The following TOX variants were observed in gnomAD, a reference collection of about 807,000 sequenced individuals.
The protein encoded by TOX is thymocyte selection-associated high mobility group box protein TOX.
TOX carries 11 observed loss-of-function variants against 53.7 expected under a neutral mutation model. That is an observed-to-expected ratio of 0.20 (90% confidence interval 0.13 to 0.34). The LOEUF (loss-of-function observed/expected upper bound fraction) is 0.34, where lower values mean the gene tolerates loss of function less well. Among genes scored for constraint, TOX ranks in the 10% least tolerant of loss-of-function variants. The probability of loss-of-function intolerance (pLI) is 1.00; values close to 1 mark genes in which losing one functional copy is unlikely to be tolerated. For missense variants in TOX, 570 were observed against 664.6 expected, an observed-to-expected ratio of 0.86 and a Z score of 1.56; for synonymous variants, 225 against 245.3, an observed-to-expected ratio of 0.92 and a Z score of 0.77.
intron 6 of TOX, among the ~76,000 whole-genome samples, chr8:58,823,998 TG>T (rs1371736124): frequency 1.3e-5 from 2 of 152,252 alleles, no homozygotes; most frequent in Non-Finnish European, 1.5e-5. Flanking sequence ...CGAGGTGCTC[TG>T]GCTAACACAG....
chr8:59,053,520 T>C (rs1803831652), intron 1 of TOX, among the ~76,000 whole-genome samples: 1 of 152,224 alleles, frequency 6.6e-6, no homozygotes, highest in Non-Finnish European at 1.5e-5. Flanking sequence ...AATAATTCAG[T>C]TGTCTTTTAT....
intron 1 of TOX, among the ~76,000 whole-genome samples, chr8:59,069,655 A>G (rs73256320): frequency 0.013 from 1,927 of 152,292 alleles, 55 homozygotes; most frequent in African/African-American, 0.044. Flanking sequence ...CACTTCCATC[A>G]GAGATAGCGC....
Position 58,807,429 on chromosome 8 carries a change from G to T in TOX, c.*318C>A, listed in dbSNP as rs1809998253. 3.7e-6 allele frequency: 1 copy of T among 270,550 alleles called. No individual in the cohort carries two copies. The highest frequency in any genetic ancestry group is 7.2e-5 in the East Asian group (1 of 13,880). The allele number at this position is 270,550 out of a possible 1,614,324, so 16.8% of individuals were successfully genotyped here. A position where few individuals can be genotyped will look rare whatever the true frequency, so the allele number is the denominator to read the frequency against. Reference sequence around the variant, plus strand: ...TTATGAAAACCAATGGAAAATCCAGGACTTTTATCCGAGACATCTACAGTT... The same window carrying T: ...TTATGAAAACCAATGGAAAATCCAGTACTTTTATCCGAGACATCTACAGTT... On this transcript the variant is annotated 3_prime_UTR_variant, in exon 9 of 9. Coordinates refer to ENST00000361421, the MANE Select transcript of TOX (RefSeq NM_014729.3).
intron 1 of TOX, among the ~76,000 whole-genome samples, chr8:59,104,383 C>G (rs542625264): frequency 4.0e-4 from 61 of 152,270 alleles, no homozygotes; most frequent in Non-Finnish European, 7.2e-4. Flanking sequence ...GACTCCCCCT[C>G]GGAGAGCCAA....
chr8:58,878,800 C>T (rs988101743), intron 3 of TOX, among the ~76,000 whole-genome samples: 3 of 152,092 alleles, frequency 2.0e-5, no homozygotes, highest in Non-Finnish European at 4.4e-5. Context: ...GTGGTTGACA[C>T]CTGTAATCCC....
chr8:58,882,843 T>C (rs1189071589), intron 3 of TOX, among the ~76,000 whole-genome samples: 9 of 152,156 alleles, frequency 5.9e-5, no homozygotes, highest in Non-Finnish European at 1.0e-4. Flanking sequence ...CACTATCAAC[T>C]CTAAGATTCT....
At chr8:58,890,155 A>G (rs1368083796) in intron 3 of TOX, among the ~76,000 whole-genome samples, 1 of 152,194 alleles carries the variant, frequency 6.6e-6, no homozygotes, top group Non-Finnish European at 1.5e-5. Context: ...ACAATACATC[A>G]ATTGTTCAGT....
At chr8:59,081,747 A>G (rs1804412028) in intron 1 of TOX, among the ~76,000 whole-genome samples, 2 of 152,174 alleles carry the variant, frequency 1.3e-5, no homozygotes, top group African/African-American at 4.8e-5. Context: ...AAGTTCAAAG[A>G]GATGGTGAGG....
At chr8:58,897,239 C>T (rs775664532) in intron 3 of TOX, among the ~76,000 whole-genome samples, 1 of 152,158 alleles carries the variant, frequency 6.6e-6, no homozygotes, top group Non-Finnish European at 1.5e-5. Flanking sequence ...ACCACTCACA[C>T]CCTACTCTAT....
intron 1 of TOX, among the ~76,000 whole-genome samples, chr8:59,084,429 T>C (rs1016465374): frequency 6.6e-6 from 1 of 152,148 alleles, no homozygotes; most frequent in Non-Finnish European, 1.5e-5. Flanking sequence ...GATAACACTC[T>C]CTGGTAAAAT....
rs764348706 is a variant in TOX at position 59,118,962 on chromosome 8, G to A, written c.26C>T (p.Pro9Leu). The change falls in exon 1 of 9, where the codon CCA becomes CTA. Residue 9 changes from proline to leucine, a missense_variant. Pro to Leu is a moderately conservative substitution (Grantham distance 98). This residue lies in a region of TOX where 282 missense variants were observed against 315.0 expected (regional missense o/e 0.90). Coordinates refer to ENST00000361421, the MANE Select transcript of TOX (RefSeq NM_014729.3). This position sits in a 1 kb window ranked among gnomAD's most constrained non-coding sequence, Gnocchi z 4.1. ...GTCGGGCGCAGCGGCGGGCTGGGCTGGAGGTGGATAAAATCTTACGTCCAT... is the reference window on the plus strand; with the variant it reads ...GTCGGGCGCAGCGGCGGGCTGGGCTAGAGGTGGATAAAATCTTACGTCCAT... MDVRFYPP[P>L]AQPAAAPDAP... The A allele has an allele frequency of 6.2e-7, 1 of 1,604,386 alleles. No individual in the cohort carries two copies. The highest frequency in any genetic ancestry group is 1.1e-5 in the South Asian group (1 of 90,692).
chr8:58,931,681 A>C (rs1428254832), intron 3 of TOX, among the ~76,000 whole-genome samples: 1 of 152,218 alleles, frequency 6.6e-6, no homozygotes, highest in Non-Finnish European at 1.5e-5. Flanking sequence ...AAAACCACAT[A>C]TCTCAAATGG....
intron 2 of TOX, among the ~76,000 whole-genome samples, chr8:58,958,136 A>G (rs534322560): frequency 2.0e-5 from 3 of 152,328 alleles, no homozygotes; most frequent in Non-Finnish European, 2.9e-5. Context: ...TATAAAGCAC[A>G]AAAGTATTTG....
intron 1 of TOX, among the ~76,000 whole-genome samples, chr8:59,037,595 A>G (rs774770734): frequency 6.6e-6 from 1 of 152,130 alleles, no homozygotes; most frequent in Non-Finnish European, 1.5e-5. Context: ...CACGGTCAGG[A>G]GTCTGAAACC....
At chr8:58,860,741 T>C (rs1399789694) in intron 3 of TOX, among the ~76,000 whole-genome samples, 4 of 152,152 alleles carry the variant, frequency 2.6e-5, no homozygotes, top group Admixed American at 2.6e-4. Context: ...TGAGAGAAAG[T>C]CAACAGCACA....
chr8:58,841,676 T>A (rs1210820185), intron 4 of TOX, among the ~76,000 whole-genome samples: 4 of 152,186 alleles, frequency 2.6e-5, no homozygotes, highest in South Asian at 2.1e-4. Context: ...TTAAAAAAAG[T>A]GACTAGGTGA....
chr8:58,811,042 G>T lies in TOX; in HGVS notation c.1393-2773C>A, dbSNP rs72649448. Among the ~76,000 whole-genome samples the T allele has an allele frequency of 5.7e-3, 867 of 152,242 alleles. 2 individuals are homozygous for T. Among genetic ancestry groups the T allele is most frequent in the Admixed American group, 9.5e-3 (146 of 15,292 alleles). On this transcript the variant is annotated intron_variant, in intron 7 of 8. Transcript: ENST00000361421. ...TTTAAGATCACTAATATCAAAACAAGGACCGAGAAACATACAAGCAAAGCC... is the reference window on the plus strand; with the variant it reads ...TTTAAGATCACTAATATCAAAACAATGACCGAGAAACATACAAGCAAAGCC...
intron 7 of TOX, among the ~76,000 whole-genome samples, chr8:58,809,118 C>G (rs1050109603): frequency 1.2e-4 from 18 of 152,214 alleles, no homozygotes; most frequent in African/African-American, 4.1e-4. Flanking sequence ...TTTAGCTTCT[C>G]TGGTGAATTC....
intron 5 of TOX, among the ~76,000 whole-genome samples, chr8:58,834,236 G>A (rs1006748740): frequency 3.3e-5 from 5 of 152,066 alleles, no homozygotes; most frequent in Non-Finnish European, 7.4e-5. Flanking sequence ...GTTTATATTT[G>A]TAGCTGTTCA....
Sources: allele counts gnomAD v4.1 joint callset (sites outside exome capture counted in the v4.1 genomes callset), GRCh38; gene constraint gnomAD v4.1.1; regional missense constraint gnomAD v4.1.1; non-coding constraint Gnocchi (gnomAD v3.1); transcripts MANE v1.5; gene names NCBI Gene and HGNC (gene_info 2026-07-23, HGNC 2026-07-21).